BRINP3: variants seen among roughly 807,000 people sequenced by gnomAD.
BRINP3 encodes BMP/retinoic acid inducible neural specific 3.
BRINP3 carries 19 observed loss-of-function variants against 71.0 expected under a neutral mutation model. The ratio of observed to expected loss-of-function variants is 0.27; its 90% CI spans 0.19 to 0.39. The LOEUF is 0.39. Among genes scored for constraint, BRINP3 ranks in the 10% least tolerant of loss-of-function variants. BRINP3 has a pLI of 1.00. For missense variants in BRINP3, 959 were observed against 940.8 expected (o/e 1.02, Z -0.25); for synonymous variants, 380 against 337.7 (o/e 1.13, Z -1.37).
At chr1:190,339,672 C>T (rs491162) in intron 2 of BRINP3, among the ~76,000 whole-genome samples, 10,324 of 151,876 alleles carry the variant, frequency 0.068, 493 homozygotes, top group Non-Finnish European at 0.1. Flanking sequence ...ACCTGCCAAC[C>T]GCCTCCCGTA....
intron 4 of BRINP3, among the ~76,000 whole-genome samples, chr1:190,257,752 T>A (rs1267633657): frequency 6.6e-6 from 1 of 152,206 alleles, no homozygotes; most frequent in Admixed American, 6.6e-5. Context: ...TGCAGGTCTG[T>A]TGGGGTTTGC....
rs558113374 is a variant in BRINP3, at chr1:190,272,599, C to T, written c.428-7544G>A. 2.6e-5 allele frequency among the ~76,000 whole-genome samples: 4 copies of T among 151,330 alleles called. No homozygotes were observed. The South Asian group carries it at 8.3e-4, about 31-fold the overall frequency. The stretch of plus-strand genomic sequence containing the variant: ...CAGTTGATGAGGAAGTTTAAATTTT[C>T]ATAAGCTAGGATTTCATAGTTTTTT... On this transcript the variant is annotated intron_variant, in intron 3 of 7. Coordinates refer to ENST00000367462, the MANE Select transcript of BRINP3 (RefSeq NM_199051.3).
chr1:190,402,286 C>T (rs1235222519), intron 2 of BRINP3, among the ~76,000 whole-genome samples: 2 of 152,014 alleles, frequency 1.3e-5, no homozygotes. Context: ...TTCTAGTTTT[C>T]TCTGTGAAAG....
rs138103319 is a variant in BRINP3, at chr1:190,099,161, A to G, written c.1185-27T>C. 1,365 of 1,596,656 alleles carry G rather than the reference A, an allele frequency of 8.5e-4. 14 individuals are homozygous for G. The highest frequency in any genetic ancestry group is 8.3e-3 in the South Asian group (742 of 89,250). On this transcript the variant is annotated intron_variant, in intron 7 of 7. Transcript: ENST00000367462. ...TAGAAATACAAAACAGAACGAATCT[A>G]CATAAATACAAAGATATTCTGTGTA...
At chr1:190,314,597 C>A (rs1252857241) in intron 2 of BRINP3, among the ~76,000 whole-genome samples, 1 of 152,124 alleles carries the variant, frequency 6.6e-6, no homozygotes, top group African/African-American at 2.4e-5. Context: ...CCTCTAGAAG[C>A]TGAAAAGTTA....
At chr1:190,336,049 T>C (rs896495581) in intron 2 of BRINP3, among the ~76,000 whole-genome samples, 2 of 152,034 alleles carry the variant, frequency 1.3e-5, no homozygotes, top group Non-Finnish European at 2.9e-5. Context: ...ATGTGATATA[T>C]ATTAAGGCAA....
At chr1:190,232,394 C>A (rs915676474) in intron 5 of BRINP3, among the ~76,000 whole-genome samples, 2 of 151,990 alleles carry the variant, frequency 1.3e-5, no homozygotes, top group Admixed American at 1.3e-4. Context: ...AGTTAGCCAA[C>A]ATTATACTTG....
Position 190,098,405 on chromosome 1 carries a change from G to T in BRINP3, c.1914C>A (p.Pro638=), listed in dbSNP as rs765017712. 1.2e-6 allele frequency: 2 copies of T among 1,614,028 alleles called. No individual in the cohort carries two copies. The highest frequency in any genetic ancestry group is 4.5e-5 in the East Asian group (2 of 44,872). Residue 638 remains proline (P), a synonymous_variant, in exon 8 of 8, where the codon CCC becomes CCA. Coordinates refer to ENST00000367462, the MANE Select transcript of BRINP3 (RefSeq NM_199051.3). ...YLRSRIKSNG[P]NGNESIYYEP... is the part of the protein sequence containing the mutation. The stretch of plus-strand genomic sequence containing the variant: ...CATAGTAAATGCTCTCATTACCATT[G>T]GGACCATTGGACTTGATGCGACTTC...
chr1:190,362,451 G>A (rs1175315743), intron 2 of BRINP3, among the ~76,000 whole-genome samples: 2 of 152,148 alleles, frequency 1.3e-5, no homozygotes, highest in Admixed American at 6.6e-5. Flanking sequence ...GGAGCAAAAT[G>A]TTAGGAATTT....
At chr1:190,142,607 T>A (rs1347032103) in intron 7 of BRINP3, among the ~76,000 whole-genome samples, 1 of 152,164 alleles carries the variant, frequency 6.6e-6, no homozygotes, top group Non-Finnish European at 1.5e-5. Flanking sequence ...CTTCATTTTT[T>A]ACAATTTAAT....
chr1:190,362,109 C>T (rs1669187847), intron 2 of BRINP3: 1 of 152,148 alleles, frequency 6.6e-6, no homozygotes, highest in African/African-American at 2.4e-5. Context: ...AAGCCAGAAA[C>T]AGAAGCATCA....
intron 7 of BRINP3, among the ~76,000 whole-genome samples, chr1:190,119,135 T>G (rs1411439831): frequency 6.6e-6 from 1 of 152,174 alleles, no homozygotes; most frequent in Non-Finnish European, 1.5e-5. Flanking sequence ...TTCAATTCTG[T>G]ACTTTTATTA....
chr1:190,179,682 G>T (rs919833455), intron 6 of BRINP3, among the ~76,000 whole-genome samples: 3 of 152,072 alleles, frequency 2.0e-5, no homozygotes, highest in Non-Finnish European at 2.9e-5. Flanking sequence ...GATAAAATTT[G>T]CTTTGCATAT....
rs200789147 is a variant in BRINP3 at position 190,162,195 on chromosome 1, A to ATT, written c.962-1307_962-1306dup. 8.0e-3 allele frequency among the ~76,000 whole-genome samples: 1,157 copies of ATT among 144,524 alleles called. 9 individuals carry two copies. The highest frequency in any genetic ancestry group is 0.036 in the South Asian group (166 of 4,554). The allele number at this position is 144,524 out of a possible 152,430, so 94.8% of individuals were successfully genotyped here. On this transcript the variant is annotated intron_variant, in intron 6 of 7. Transcript: ENST00000367462. ...TAAGCAGAGTTTAAATAATAGATGC[A>ATT]TTTTTTTTTTTTTTGAGATGGGGTT...
rs77252568 is a variant in BRINP3, at chr1:190,295,911, A to G, written c.237-14161T>C. Among the ~76,000 whole-genome samples, 217 of 152,166 alleles carry G rather than the reference A, an allele frequency of 1.4e-3. 1 individual carries two copies. The highest frequency in any genetic ancestry group is 4.9e-3 in the African/African-American group (202 of 41,508). On this transcript the variant is annotated intron_variant, in intron 2 of 7. Coordinates refer to ENST00000367462, the MANE Select transcript of BRINP3 (RefSeq NM_199051.3). ...TATTATACCAAAATCAGGCACTGTG[A>G]TTAATTTTGTTCTTTTGAATGTGAT...
chr1:190,376,644 G>T (rs1670200862), intron 2 of BRINP3, among the ~76,000 whole-genome samples: 1 of 151,974 alleles, frequency 6.6e-6, no homozygotes, highest in South Asian at 2.1e-4. Flanking sequence ...TACAAAGTTT[G>T]ATATCATATT....
At chr1:190,360,520 G>A (rs550700457) in intron 2 of BRINP3, among the ~76,000 whole-genome samples, 9 of 152,206 alleles carry the variant, frequency 5.9e-5, no homozygotes, top group Non-Finnish European at 1.3e-4. Flanking sequence ...GTGAGAGTGC[G>A]TTACATATGA....
intron 6 of BRINP3, among the ~76,000 whole-genome samples, chr1:190,218,767 T>G (rs1474058346): frequency 6.6e-6 from 1 of 152,092 alleles, no homozygotes; most frequent in East Asian, 1.9e-4. Context: ...TTCACCAATG[T>G]CTGCTTCCAT....
At chr1:190,296,037 TTTTG>T (rs201317296) in intron 2 of BRINP3, among the ~76,000 whole-genome samples, 1 of 150,262 alleles carries the variant, frequency 6.7e-6, no homozygotes, top group Non-Finnish European at 1.5e-5. Flanking sequence ...TTGTCTATAT[TTTTG>T]TTTGTTTGTT....
Sources: allele counts gnomAD v4.1 joint callset (sites outside exome capture counted in the v4.1 genomes callset), GRCh38; gene constraint gnomAD v4.1.1; transcripts MANE v1.5; gene names NCBI Gene and HGNC (gene_info 2026-07-23, HGNC 2026-07-21).